Variants in MSRA observed in about 807,000 individuals in gnomAD.
The protein encoded by MSRA is methionine sulfoxide reductase A, also known as mitochondrial peptide methionine sulfoxide reductase.
A neutral mutation model predicts 31.3 loss-of-function variants in MSRA; 54 were observed. The ratio of observed to expected loss-of-function variants is 1.73; its 90% confidence interval spans 1.39 to 2.17. The LOEUF (loss-of-function observed/expected upper bound fraction) is 2.17. MSRA is among the 30% of genes most tolerant of loss of function. The pLI is 0.00. For synonymous variants in MSRA, 169 were observed against 116.5 expected, an observed-to-expected ratio of 1.45 and a Z score of -2.90; for missense variants, 507 against 300.9, an observed-to-expected ratio of 1.69 and a Z score of -5.07.
chr8:10,297,698 G>A (rs1322931147), intron 3 of MSRA, among the ~76,000 whole-genome samples: 1 of 152,202 alleles, frequency 6.6e-6, no homozygotes, highest in African/African-American at 2.4e-5. Context: ...GGGCATCACT[G>A]TGCTGTTTGT....
At chr8:10,297,815 G>A (rs1001674305) in intron 3 of MSRA, among the ~76,000 whole-genome samples, 1 of 152,184 alleles carries the variant, frequency 6.6e-6, no homozygotes, top group African/African-American at 2.4e-5. Context: ...GTCTGAAAGT[G>A]TTTGCTGGCG....
At chr8:10,296,586 T>G (rs1800556058) in intron 3 of MSRA, among the ~76,000 whole-genome samples, 1 of 152,164 alleles carries the variant, frequency 6.6e-6, no homozygotes, top group Admixed American at 6.5e-5. Context: ...CACGGCTGAT[T>G]AGAGAATAAT....
At chr8:10,367,081 G>A (rs534381718) in intron 5 of MSRA, among the ~76,000 whole-genome samples, 2 of 152,296 alleles carry the variant, frequency 1.3e-5, no homozygotes, top group South Asian at 4.2e-4. Context: ...TAAATTGCAT[G>A]CCGTTCTGAG....
intron 5 of MSRA, among the ~76,000 whole-genome samples, chr8:10,411,909 C>A (rs4382479): frequency 6.6e-6 from 1 of 152,150 alleles, no homozygotes; most frequent in South Asian, 2.1e-4. Flanking sequence ...CAGCCCTGTT[C>A]TGTGGACACC....
At chr8:10,427,967 C>G (rs1308653199) in intron 5 of MSRA, among the ~76,000 whole-genome samples, 181 bp from the exon 6 acceptor site, 1 of 152,228 alleles carries the variant, frequency 6.6e-6, no homozygotes, top group Non-Finnish European at 1.5e-5. Flanking sequence ...TGAGGCACAG[C>G]AAGGTAAGTC....
intron 1 of MSRA, among the ~76,000 whole-genome samples, chr8:10,174,826 A>G (rs916590616): frequency 5.9e-5 from 9 of 152,182 alleles, no homozygotes; most frequent in Non-Finnish European, 8.8e-5. Flanking sequence ...TTCTTTGTCA[A>G]AAAACAAACT....
At chr8:10,117,730 C>T (rs1015790590) in intron 1 of MSRA, among the ~76,000 whole-genome samples, 1 of 152,142 alleles carries the variant, frequency 6.6e-6, no homozygotes, top group African/African-American at 2.4e-5. Context: ...GTGAGTATTA[C>T]TTGCTAGTAT....
intron 1 of MSRA, among the ~76,000 whole-genome samples, chr8:10,127,305 T>C (rs1801572631): frequency 6.6e-6 from 1 of 152,212 alleles, no homozygotes; most frequent in Non-Finnish European, 1.5e-5. Context: ...ATTCAAAAAA[T>C]TGCAACCTCA....
At chr8:10,167,718 G>A (rs1045963461) in intron 1 of MSRA, among the ~76,000 whole-genome samples, 11 of 152,270 alleles carry the variant, frequency 7.2e-5, no homozygotes, top group African/African-American at 1.7e-4. Flanking sequence ...ACGGCTGAAC[G>A]TGAAACCTCC....
intron 5 of MSRA, among the ~76,000 whole-genome samples, chr8:10,418,637 A>G (rs1004919978): frequency 2.0e-5 from 3 of 152,094 alleles, no homozygotes. Context: ...AAGAGACACT[A>G]TTGTACGTTC....
chr8:10,287,263 A>G (rs1799986663), intron 3 of MSRA, among the ~76,000 whole-genome samples: 1 of 152,196 alleles, frequency 6.6e-6, no homozygotes, highest in South Asian at 2.1e-4. Context: ...TATGGAATCA[A>G]ACCTACTGGG....
intron 1 of MSRA, among the ~76,000 whole-genome samples, chr8:10,196,889 A>C (rs1808040560): frequency 6.6e-6 from 1 of 152,114 alleles, no homozygotes; most frequent in Non-Finnish European, 1.5e-5. Flanking sequence ...TACCTTTATA[A>C]ACAAGAATAA....
chr8:10,065,766 G>A (rs1230905777), intron 1 of MSRA, among the ~76,000 whole-genome samples: 1 of 152,184 alleles, frequency 6.6e-6, no homozygotes, highest in Admixed American at 6.5e-5. Context: ...AAAGGAAATT[G>A]ATAGAGTTTT....
chr8:10,086,741 C>G (rs932221392), intron 1 of MSRA, among the ~76,000 whole-genome samples: 1 of 151,768 alleles, frequency 6.6e-6, no homozygotes, highest in African/African-American at 2.4e-5. Context: ...AGCAGGTACT[C>G]AGTAAATACT....
intron 2 of MSRA, among the ~76,000 whole-genome samples, chr8:10,228,305 G>A (rs981066935): frequency 1.1e-4 from 16 of 152,188 alleles, no homozygotes; most frequent in South Asian, 2.1e-4. Flanking sequence ...CCAGGGAGCC[G>A]TGGAGAGGAG....
chr8:10,150,316 C>T (rs997359059), intron 1 of MSRA, among the ~76,000 whole-genome samples: 14 of 151,996 alleles, frequency 9.2e-5, no homozygotes, highest in Non-Finnish European at 1.8e-4. Flanking sequence ...CAACACAACT[C>T]GAGAGAGAAA....
chr8:10,210,258 C>G (rs1490857024), intron 2 of MSRA, among the ~76,000 whole-genome samples: 1 of 152,166 alleles, frequency 6.6e-6, no homozygotes, highest in Non-Finnish European at 1.5e-5. Context: ...TCCAGAGCCA[C>G]TTGGCCAAGG....
chr8:10,313,563 G>A (rs1386663632), intron 4 of MSRA, among the ~76,000 whole-genome samples: 1 of 151,876 alleles, frequency 6.6e-6, no homozygotes, highest in South Asian at 2.1e-4. Context: ...TCTTGTTTAT[G>A]GTTGGTAAAC....
At chr8:10,185,558 T>C (rs1585119181) in intron 1 of MSRA, among the ~76,000 whole-genome samples, 1 of 151,990 alleles carries the variant, frequency 6.6e-6, no homozygotes, top group South Asian at 2.1e-4. Context: ...TGCTCAAGGG[T>C]GTCTTTGTGA....
Sources: gnomAD v4.1 joint callset for allele counts (sites outside exome capture counted in the v4.1 genomes callset) on GRCh38, gnomAD v4.1.1 for gene constraint, MANE v1.5 for transcripts, NCBI Gene and HGNC (gene_info 2026-07-23, HGNC 2026-07-21) for gene names.